The following COG5 variants were observed in gnomAD, a reference collection of about 807,000 sequenced individuals.
COG5 encodes the protein component of oligomeric golgi complex 5, also known as conserved oligomeric Golgi complex subunit 5.
Under a neutral mutation model 110.4 loss-of-function variants are expected in COG5, and 86 were observed. That is an observed-to-expected ratio of 0.78 (90% CI 0.65 to 0.93). The LOEUF is 0.93. Ranked by LOEUF, COG5 falls within the 40% of genes least tolerant of loss-of-function variation. The pLI is 0.00. For synonymous variants in COG5, 360 were observed against 334.6 expected, an observed-to-expected ratio of 1.08 and a Z score of -0.83; for missense variants, 1,077 against 987.0, an observed-to-expected ratio of 1.09 and a Z score of -1.22.
intron 11 of COG5, among the ~76,000 whole-genome samples, chr7:107,304,257 C>T (rs1347332131): frequency 6.6e-6 from 1 of 152,142 alleles, no homozygotes; most frequent in East Asian, 1.9e-4. Context: ...TATAAATAGT[C>T]TATGTGCTCA....
chr7:107,486,541 C>A (rs1312983751), intron 6 of COG5, among the ~76,000 whole-genome samples: 5 of 151,944 alleles, frequency 3.3e-5, no homozygotes, highest in Admixed American at 6.6e-5. Context: ...GTGGAAAATG[C>A]GTACGTCCAA....
chr7:107,276,085 T>A (rs1804683825), intron 14 of COG5, among the ~76,000 whole-genome samples: 1 of 152,184 alleles, frequency 6.6e-6, no homozygotes, highest in Non-Finnish European at 1.5e-5. Flanking sequence ...CTATTATTGT[T>A]TCAAATGGTC....
chr7:107,274,724 C>T (rs1274580169), intron 14 of COG5, among the ~76,000 whole-genome samples: 2 of 152,176 alleles, frequency 1.3e-5, no homozygotes, highest in Non-Finnish European at 2.9e-5. Flanking sequence ...ACGCCAACAG[C>T]GGTTGTTGGT....
At chr7:107,348,863 T>TC (rs1210888371) in intron 10 of COG5, among the ~76,000 whole-genome samples, 1 of 152,018 alleles carries the variant, frequency 6.6e-6, no homozygotes, top group East Asian at 1.9e-4. Flanking sequence ...TTAGAATTTT[T>TC]CTTTTTTTTT....
chr7:107,556,301 T>A (rs1321932469), intron 2 of COG5, among the ~76,000 whole-genome samples: 2 of 152,150 alleles, frequency 1.3e-5, no homozygotes, highest in African/African-American at 4.8e-5. Flanking sequence ...TTTCTTAGAG[T>A]GATTTCTAGT....
chr7:107,556,188 C>G (rs1339806902), intron 2 of COG5, among the ~76,000 whole-genome samples: 1 of 152,208 alleles, frequency 6.6e-6, no homozygotes, highest in Non-Finnish European at 1.5e-5. Flanking sequence ...AGAACAGGTA[C>G]TTCCAGGCCT....
chr7:107,204,501 T>C (rs1798607454), intron 21 of COG5, among the ~76,000 whole-genome samples: 1 of 152,212 alleles, frequency 6.6e-6, no homozygotes, highest in Non-Finnish European at 1.5e-5. Flanking sequence ...GGTACACAAA[T>C]ACATTTTTGT....
intron 7 of COG5, among the ~76,000 whole-genome samples, chr7:107,386,843 T>C (rs1313338671): frequency 1.3e-5 from 2 of 152,040 alleles, no homozygotes; most frequent in Non-Finnish European, 2.9e-5. Flanking sequence ...TGGGCTTTAA[T>C]TAAGGCAGCC....
intron 7 of COG5, among the ~76,000 whole-genome samples, chr7:107,391,314 G>A (rs1316118525): frequency 2.0e-5 from 3 of 152,238 alleles, no homozygotes; most frequent in South Asian, 4.1e-4. Context: ...TTTATCTGTC[G>A]TTGGGTCAGG....
At chr7:107,339,187 C>T (rs1261924400) in intron 10 of COG5, among the ~76,000 whole-genome samples, 4 of 151,764 alleles carry the variant, frequency 2.6e-5, no homozygotes, top group Non-Finnish European at 5.9e-5. Context: ...AGAAAGATCA[C>T]ACAAATGGAA....
chr7:107,374,453 T>C (rs1456257102), intron 7 of COG5, among the ~76,000 whole-genome samples: 1 of 152,096 alleles, frequency 6.6e-6, no homozygotes, highest in South Asian at 2.1e-4. Context: ...CTGAAAAGCA[T>C]AGCTTCTCCA....
chr7:107,507,050 A>C (rs1799068395), intron 6 of COG5, among the ~76,000 whole-genome samples: 1 of 152,126 alleles, frequency 6.6e-6, no homozygotes, highest in Non-Finnish European at 1.5e-5. Flanking sequence ...ACCACTTCCT[A>C]AATCAGTTCC....
At chr7:107,368,704 T>G (rs1051108884) in intron 8 of COG5, among the ~76,000 whole-genome samples, 1 of 152,222 alleles carries the variant, frequency 6.6e-6, no homozygotes, top group African/African-American at 2.4e-5. Flanking sequence ...ACAACTACAG[T>G]ATCTATCTGG....
chr7:107,219,794 T>C (rs1035516468), intron 19 of COG5, among the ~76,000 whole-genome samples: 6 of 152,214 alleles, frequency 3.9e-5, no homozygotes, highest in South Asian at 2.1e-4. Flanking sequence ...TAGGAATGCA[T>C]AGTACATTTC....
chr7:107,239,573 AT>A (rs1232231630), intron 17 of COG5, among the ~76,000 whole-genome samples: 3 of 152,114 alleles, frequency 2.0e-5, no homozygotes, highest in Non-Finnish European at 4.4e-5. Context: ...TATTCTTTCA[AT>A]TCATGAACAC....
intron 7 of COG5, among the ~76,000 whole-genome samples, chr7:107,403,564 G>C (rs1171902519): frequency 6.6e-6 from 1 of 151,700 alleles, no homozygotes; most frequent in Admixed American, 6.6e-5. Flanking sequence ...ACAGGCCCCG[G>C]TGTGTGATGT....
At chr7:107,294,974 T>C (rs1380082099) in intron 12 of COG5, among the ~76,000 whole-genome samples, 2 of 133,574 alleles carry the variant, frequency 1.5e-5, no homozygotes, top group Non-Finnish European at 3.2e-5. Context: ...CACATATATA[T>C]ATACACATAT....
rs574237998 is a variant in COG5, at chr7:107,450,706, T to C, written c.539-38074A>G. Among the ~76,000 whole-genome samples, 109 of 152,370 alleles carry C rather than the reference T, an allele frequency of 7.2e-4. No individual in the cohort carries two copies. The South Asian group carries it at 0.022, about 30-fold the overall frequency. On this transcript the variant is annotated intron_variant, in intron 6 of 21. Transcript: ENST00000297135. ...GATCAGGAGGATTGTCCTTATCTAT[T>C]AAAGCTACTAACCCCAAGATTTGAA...
chr7:107,224,342 C>T (rs1800168204), intron 19 of COG5, among the ~76,000 whole-genome samples: 1 of 152,184 alleles, frequency 6.6e-6, no homozygotes, highest in African/African-American at 2.4e-5. Flanking sequence ...CCTCATTACT[C>T]CTATAATTAA....
Sources: allele counts gnomAD v4.1 joint callset (sites outside exome capture counted in the v4.1 genomes callset), GRCh38; gene constraint gnomAD v4.1.1; transcripts MANE v1.5; gene names NCBI Gene and HGNC (gene_info 2026-07-23, HGNC 2026-07-21).